USF3: variants seen among roughly 807,000 people sequenced by gnomAD.
The protein encoded by USF3 is upstream transcription factor family member 3.
USF3 carries 29 observed loss-of-function variants against 157.5 expected under a neutral mutation model. The ratio of observed to expected loss-of-function variants is 0.18; its 90% CI spans 0.14 to 0.25. USF3 has a LOEUF of 0.25. Among genes scored for constraint, USF3 ranks in the 10% least tolerant of loss-of-function variants. The probability of loss-of-function intolerance (pLI) is 1.00; values close to 1 mark genes in which losing one functional copy is unlikely to be tolerated. For synonymous variants in USF3, 893 were observed against 941.4 expected (o/e 0.95, Z 0.94); for missense variants, 2,381 against 2,667.6 (o/e 0.89, Z 2.37).
intron 1 of USF3, among the ~76,000 whole-genome samples, chr3:113,693,728 A>G (rs1323566129): frequency 1.3e-5 from 2 of 152,238 alleles, no homozygotes; most frequent in Non-Finnish European, 2.9e-5. Context: ...TCTTTTAACC[A>G]TGTAGCATAG....
At chr3:113,678,789 C>A (rs1287167739) in intron 1 of USF3, among the ~76,000 whole-genome samples, 2 of 152,020 alleles carry the variant, frequency 1.3e-5, no homozygotes, top group African/African-American at 2.4e-5. Context: ...GCTTTGTCAT[C>A]CAGGCTGGTG....
At chr3:113,665,337 T>C (rs143454959) in intron 5 of USF3, among the ~76,000 whole-genome samples, 2 of 152,366 alleles carry the variant, frequency 1.3e-5, no homozygotes, top group East Asian at 3.9e-4. Context: ...TGGATTTTAA[T>C]GTTATTCTTT....
intron 1 of USF3, among the ~76,000 whole-genome samples, chr3:113,695,893 A>T (rs1190692136): frequency 6.6e-6 from 1 of 152,230 alleles, no homozygotes; most frequent in African/African-American, 2.4e-5. Flanking sequence ...ACTTCGACAG[A>T]GGGGTGAGAG....
At chr3:113,679,509 G>T (rs905076986) in intron 1 of USF3, among the ~76,000 whole-genome samples, 4 of 150,902 alleles carry the variant, frequency 2.7e-5, no homozygotes, top group African/African-American at 9.8e-5. Flanking sequence ...TGCCTCCTGG[G>T]TTCAAGCAAT....
At chr3:113,691,473 C>T (rs1577056319) in intron 1 of USF3, among the ~76,000 whole-genome samples, 1 of 152,210 alleles carries the variant, frequency 6.6e-6, no homozygotes, top group East Asian at 1.9e-4. Flanking sequence ...GTTGTTTTGG[C>T]CTTCTGACAA....
rs1226761635 is a variant in USF3, at chr3:113,655,988, T to G, written c.5694A>C (p.Ser1898=). 39 of 1,614,042 alleles carry G rather than the reference T, an allele frequency of 2.4e-5. No homozygotes were observed. The highest frequency in any genetic ancestry group is 3.3e-5 in the Non-Finnish European group (39 of 1,180,030). ...TRNSTLNIPF[S]SSSSSGDIQG... is the part of the protein sequence containing the mutation. The stretch of plus-strand genomic sequence containing the variant: ...GAATATCTCCTGAGGAAGAGGAACT[T>G]GAAAAAGGAATATTCAAGGTGCTGT... The change falls in exon 7 of 7, where the codon TCA becomes TCC. Residue 1898 remains serine (S), a synonymous_variant. Coordinates refer to ENST00000316407, the MANE Select transcript of USF3 (RefSeq NM_001009899.4).
intron 2 of USF3, 74 bp downstream of exon 2, chr3:113,677,208 T>G (rs546263977): frequency 3.3e-5 from 5 of 152,298 alleles, no homozygotes; most frequent in Admixed American, 1.3e-4. Context: ...TGAGCTCACA[T>G]TAGGTAAACA....
chr3:113,685,951 T>C (rs541181588), intron 1 of USF3, among the ~76,000 whole-genome samples: 1 of 152,304 alleles, frequency 6.6e-6, no homozygotes, highest in South Asian at 2.1e-4. Context: ...CAAGCTGTGA[T>C]GTCTGGAGTT....
Position 113,657,040 on chromosome 3 carries a change from A to G in USF3, c.4642T>C (p.Ser1548Pro), listed in dbSNP as rs78661215. The G allele has an allele frequency of 1.2e-5, 19 of 1,613,852 alleles. No homozygotes were observed. The highest frequency in any genetic ancestry group is 1.4e-5 in the Non-Finnish European group (16 of 1,179,984). ...TGTGGCTGGCCAGTCTTGGATCGGG[A>G]TTGGTCAGTTCCATGGTGCTTTGGT... ...LQPKHHGTDQ[S>P]RSKTGQPHPH... Residue 1548 changes from serine to proline, a missense_variant, in exon 7 of 7, where the codon TCC becomes CCC. Ser to Pro is a moderately conservative substitution (Grantham distance 74). Coordinates refer to ENST00000316407, the MANE Select transcript of USF3 (RefSeq NM_001009899.4).
intron 5 of USF3, among the ~76,000 whole-genome samples, chr3:113,667,198 T>C (rs1947583963): frequency 6.6e-6 from 1 of 152,136 alleles, no homozygotes; most frequent in Non-Finnish European, 1.5e-5. Context: ...AAGAGAAAAA[T>C]AATATTGTTC....
rs1001557162 is a variant in USF3, at chr3:113,651,587, C to G, written c.*3357G>C. The G allele has an allele frequency of 2.0e-5, 3 of 152,350 alleles. No individual in the cohort carries two copies. The East Asian group carries it at 5.8e-4, about 29-fold the overall frequency. The allele number at this position is 152,350 out of a possible 1,614,324, so 9.4% of individuals were successfully genotyped here. A position where few individuals can be genotyped will look rare whatever the true frequency, so the allele number is the denominator to read the frequency against. On this transcript the variant is annotated 3_prime_UTR_variant, in exon 7 of 7. Coordinates refer to ENST00000316407, the MANE Select transcript of USF3 (RefSeq NM_001009899.4). ...ACCAAAAATTATATCCAAATTAACA[C>G]TACATACCATATAACAAATTTCTTC...
In USF3 at chr3:113,657,140, A is replaced by G; in HGVS notation, c.4542T>C (p.Thr1514=). The part of the protein sequence containing the change: ...SQPHNVHQQR[T]LQQEVQMQKK... ...TCTGCATCTGAACTTCCTGTTGCAG[A>G]GTCCTCTGTTGGTGGACATTATGGG... The change falls in exon 7 of 7, where the codon ACT becomes ACC. Residue 1514 remains threonine, a synonymous_variant. Transcript: ENST00000316407. The G allele has an allele frequency of 6.2e-7, 1 of 1,614,166 alleles. No homozygotes were observed. The highest frequency in any genetic ancestry group is 8.5e-7 in the Non-Finnish European group (1 of 1,180,024).
In USF3 at chr3:113,658,934, T is replaced by C. The variant is rs1420615731; in HGVS notation, c.2748A>G (p.Leu916=). 2 of 1,614,194 alleles carry C rather than the reference T, an allele frequency of 1.2e-6. No individual in the cohort carries two copies. The highest frequency in any genetic ancestry group is 8.5e-7 in the Non-Finnish European group (1 of 1,180,030). ...GTTTATCCTGAGATGTCTCTTGTTG[T>C]AGATTAGGGGTAGAATCTTTGGATT... ...AAKSKDSTPN[L]QQETSQDKPP... Residue 916 remains leucine (L), a synonymous_variant, in exon 7 of 7, where the codon CTA becomes CTG. Transcript: ENST00000316407.
At chr3:113,680,061 T>TC (rs1332118993) in intron 1 of USF3, among the ~76,000 whole-genome samples, 2 of 144,288 alleles carry the variant, frequency 1.4e-5, no homozygotes, top group Non-Finnish European at 3.1e-5. Context: ...TTCTTTTTTT[T>TC]TTTTTTTTTT....
intron 1 of USF3, among the ~76,000 whole-genome samples, chr3:113,691,221 T>C (rs1707674340): frequency 6.6e-6 from 1 of 152,128 alleles, no homozygotes; most frequent in African/African-American, 2.4e-5. Context: ...TATTCAACTT[T>C]TTCCATGTAA....
In USF3 at chr3:113,651,667, T is replaced by C. The variant is rs1577021509; in HGVS notation, c.*3277A>G. ...TAATACTGCTAGTAAATCTCATATA[T>C]TCATGCTTTTAAATCAAATAAGGGT... is the stretch of plus-strand genomic sequence containing the variant. On this transcript the variant is annotated 3_prime_UTR_variant, in exon 7 of 7. Coordinates refer to ENST00000316407, the MANE Select transcript of USF3 (RefSeq NM_001009899.4). 1.3e-5 allele frequency: 2 copies of C among 152,224 alleles called. No homozygotes were observed. The highest frequency in any genetic ancestry group is 3.8e-4 in the East Asian group (2 of 5,206). The allele number at this position is 152,224 out of a possible 1,614,324, so 9.4% of individuals were successfully genotyped here.
At chr3:113,666,535 G>T (rs571134749) in intron 5 of USF3, among the ~76,000 whole-genome samples, 1 of 146,200 alleles carries the variant, frequency 6.8e-6, no homozygotes, top group East Asian at 2.1e-4. Context: ...TTACAGGTGT[G>T]AGCCACCATG....
chr3:113,665,705 G>A (rs1947554504), intron 5 of USF3, among the ~76,000 whole-genome samples: 1 of 152,128 alleles, frequency 6.6e-6, no homozygotes, highest in Non-Finnish European at 1.5e-5. Context: ...GCGCACACCT[G>A]TAATGCCAGC....
rs1947290038 is a variant in USF3 at position 113,652,932 on chromosome 3, C to T, written c.*2012G>A. 1 of 701,082 alleles carries T rather than the reference C, an allele frequency of 1.4e-6. No homozygotes were observed. The highest frequency in any genetic ancestry group is 2.2e-6 in the Non-Finnish European group (1 of 450,132). 43.4% of individuals were successfully genotyped at this position (701,082 alleles called of 1,614,324 possible). On this transcript the variant is annotated 3_prime_UTR_variant, in exon 7 of 7. Coordinates refer to ENST00000316407, the MANE Select transcript of USF3 (RefSeq NM_001009899.4). ...AGATCCTGCCATTGTAGACTCCAGC[C>T]TGGGTGACAAAGTGACCTTGAATAT... is the stretch of plus-strand genomic sequence containing the variant.
Sources: allele counts gnomAD v4.1 joint callset (sites outside exome capture counted in the v4.1 genomes callset), GRCh38; gene constraint gnomAD v4.1.1; transcripts MANE v1.5; gene names NCBI Gene and HGNC (gene_info 2026-07-23, HGNC 2026-07-21).